RERE: variants seen among roughly 807,000 people sequenced by gnomAD.
RERE encodes the protein arginine-glutamic acid dipeptide repeats, also known as arginine-glutamic acid dipeptide repeats protein.
RERE carries 40 observed loss-of-function variants against 146.1 expected under a neutral mutation model. The observed-to-expected ratio is 0.27, with a 90% CI of 0.21 to 0.36. The LOEUF (loss-of-function observed/expected upper bound fraction) is 0.36. Among genes scored for constraint, RERE ranks in the 10% least tolerant of loss-of-function variants. The pLI is 1.00. For synonymous variants in RERE, 1,003 were observed against 866.0 expected (o/e 1.16, Z -2.78); for missense variants, 1,933 against 2,138.7 (o/e 0.90, Z 1.90).
chr1:8,735,819 C>A (rs1356102516), intron 1 of RERE, among the ~76,000 whole-genome samples: 1 of 152,024 alleles, frequency 6.6e-6, no homozygotes. Context: ...TGCCTTCCAC[C>A]GTGAGTAAAA....
rs776332821 is a variant in RERE, at chr1:8,360,337, G to T, written c.3170C>A (p.Thr1057Asn). 2 of 1,516,312 alleles carry T rather than the reference G, an allele frequency of 1.3e-6. No homozygotes were observed. Among genetic ancestry groups the T allele is most frequent in the South Asian group, 1.3e-5 (1 of 79,778 alleles). 93.9% of individuals were successfully genotyped at this position (1,516,312 alleles called of 1,614,324 possible). ...CGAGGTGCCAGGTCCCGCCGGTGGG[G>T]TAGAGGTGGAGGGGCAGGTCGGAGG... ...ITPPTCPSTS[T>N]PPAGPGTSAQ... Residue 1057 changes from threonine (T) to asparagine (N), a missense_variant, in exon 18 of 23, where the codon ACC becomes AAC. By Grantham distance (65) the Thr-to-Asn change is moderately conservative (BLOSUM62 0). Around this residue, in one of 11 missense-constraint regions of RERE, gnomAD observed 1,255 missense variants for 1,153.8 expected, o/e 1.09. Coordinates refer to ENST00000400908, the MANE Select transcript of RERE (RefSeq NM_001042681.2).
Position 8,545,612 on chromosome 1 carries a change from T to C in RERE, c.726-4294A>G, listed in dbSNP as rs911220256. Among the ~76,000 whole-genome samples, 98 of 151,794 alleles carry C rather than the reference T, an allele frequency of 6.5e-4. 2 individuals carry two copies. The highest frequency in any genetic ancestry group is 1.2e-3 in the Admixed American group (19 of 15,258). ...GTAGCAAATCTGTTGAAAGCTATTA[T>C]TATCATTATTAAGATGGAGTCTTAA... is the stretch of plus-strand genomic sequence containing the variant. On this transcript the variant is annotated intron_variant, in intron 6 of 22. Transcript: ENST00000400908.
chr1:8,714,191 G>T (rs1032682341), intron 1 of RERE, among the ~76,000 whole-genome samples: 4 of 152,100 alleles, frequency 2.6e-5, no homozygotes, highest in Non-Finnish European at 4.4e-5. Flanking sequence ...CTCTAGAGAG[G>T]ATTGAACTAC....
chr1:8,575,551 A>T (rs1646281732), intron 4 of RERE, among the ~76,000 whole-genome samples: 5 of 67,662 alleles, frequency 7.4e-5, no homozygotes, highest in African/African-American at 3.7e-4. Flanking sequence ...ATATATATAT[A>T]TATATATATA....
At position 8,423,534 on chromosome 1, in the gene RERE, G is replaced by A. The variant is rs1643947559; in HGVS notation, c.1204-727C>T. ...CGAGCACCCCTCCCCGCCCCGGTGG[G>A]GGCAGCTCCTGGCTCCGAGCCCCCA... On this transcript the variant is annotated intron_variant, in intron 11 of 22. Coordinates refer to ENST00000400908, the MANE Select transcript of RERE (RefSeq NM_001042681.2). The surrounding 1 kb of genome is among the most constrained non-coding windows in gnomAD (Gnocchi z 5.4). 1 of 984,854 alleles carries A rather than the reference G, an allele frequency of 1.0e-6. No individual in the cohort carries two copies. Among genetic ancestry groups the A allele is most frequent in the Non-Finnish European group, 1.2e-6 (1 of 829,578 alleles). The allele number at this position is 984,854 out of a possible 1,614,324, so 61.0% of individuals were successfully genotyped here. A position where few individuals can be genotyped will look rare whatever the true frequency, so the allele number is the denominator to read the frequency against.
intron 11 of RERE, among the ~76,000 whole-genome samples, chr1:8,433,855 C>T (rs554142345): frequency 2.0e-5 from 3 of 152,310 alleles, no homozygotes; most frequent in South Asian, 2.1e-4. Context: ...CCACCGCGCC[C>T]GGCCCCATTC....
At chr1:8,369,319 G>T (rs1641934351) in intron 12 of RERE, among the ~76,000 whole-genome samples, 1 of 152,032 alleles carries the variant, frequency 6.6e-6, no homozygotes, top group Non-Finnish European at 1.5e-5. Flanking sequence ...TGGCTTCACT[G>T]ATCTCTGCCA....
At chr1:8,689,106 AT>A (rs143138261) in intron 1 of RERE, among the ~76,000 whole-genome samples, 3,949 of 150,286 alleles carry the variant, frequency 0.026, 153 homozygotes, top group African/African-American at 0.09. Context: ...TAAAAATTTG[AT>A]TTTTTTTTTA....
At chr1:8,409,369 A>G (rs1042281205) in intron 12 of RERE, among the ~76,000 whole-genome samples, 8 of 152,226 alleles carry the variant, frequency 5.3e-5, no homozygotes, top group African/African-American at 1.7e-4. Flanking sequence ...TTGTTCTAAC[A>G]ACCGCATGAG....
At chr1:8,810,817 G>T (rs7517436) in intron 1 of RERE, among the ~76,000 whole-genome samples, 130,171 of 152,130 alleles carry the variant, frequency 0.86, 56,018 homozygotes, top group East Asian at 0.95. Flanking sequence ...CATTATAAAC[G>T]TATTTCACCC....
intron 1 of RERE, among the ~76,000 whole-genome samples, chr1:8,694,029 C>CAAAAA (rs144018056): frequency 2.5e-5 from 3 of 120,566 alleles, no homozygotes; most frequent in Non-Finnish European, 3.5e-5. Flanking sequence ...TTTTCTTTCC[C>CAAAAA]AAAAAAAAAA....
chr1:8,743,794 G>A (rs1051594434), intron 1 of RERE, among the ~76,000 whole-genome samples: 18 of 151,488 alleles, frequency 1.2e-4, no homozygotes, highest in Admixed American at 1.1e-3. Context: ...TATTCTTTAG[G>A]CCCACCATGA....
intron 1 of RERE, among the ~76,000 whole-genome samples, chr1:8,658,295 C>G (rs1393317141): frequency 6.6e-6 from 1 of 152,156 alleles, no homozygotes; most frequent in Non-Finnish European, 1.5e-5. Flanking sequence ...GTTCTCAATG[C>G]TCAAATGCAA....
rs1641386993 is a variant in RERE at position 8,358,385 on chromosome 1, G to A, written c.4150C>T (p.Pro1384Ser). 6.2e-7 allele frequency: 1 copy of A among 1,607,840 alleles called. No homozygotes were observed. Among genetic ancestry groups the A allele is most frequent in the South Asian group, 1.1e-5 (1 of 90,912 alleles). ...TAGCTCATCTCGGGCCGCAGCTGGG[G>A]GCCCGCCAGGGCCAGTCTCTCCCTC... Reference protein sequence around the residue: ...LERERLALAGPQLRPEMSYPD... With the variant: ...LERERLALAGSQLRPEMSYPD... The change falls in exon 20 of 23, where the codon CCC becomes TCC. Residue 1384 changes from proline (P) to serine (S), a missense_variant. By Grantham distance (74) the Pro-to-Ser change is moderately conservative (BLOSUM62 -1). Around this residue, in one of 11 missense-constraint regions of RERE, gnomAD observed 1,255 missense variants for 1,153.8 expected, o/e 1.09. Transcript: ENST00000400908.
At chr1:8,727,124 G>A (rs1639985401) in intron 1 of RERE, among the ~76,000 whole-genome samples, 1 of 151,194 alleles carries the variant, frequency 6.6e-6, no homozygotes, top group East Asian at 2.0e-4. Flanking sequence ...TTTTTCAGTG[G>A]ATTAGTAGTC....
chr1:8,651,618 T>C (rs1570566428), intron 2 of RERE, among the ~76,000 whole-genome samples: 1 of 151,938 alleles, frequency 6.6e-6, no homozygotes, highest in Non-Finnish European at 1.5e-5. Flanking sequence ...CCCAGCACTT[T>C]GGGAAGCCAA....
At chr1:8,457,892 C>T (rs555575143) in intron 11 of RERE, among the ~76,000 whole-genome samples, 14 of 152,216 alleles carry the variant, frequency 9.2e-5, no homozygotes, top group South Asian at 4.1e-4. Context: ...TGAGCCTCTG[C>T]GCCTAGCCTA....
In RERE at chr1:8,358,151, C is replaced by A. The variant is rs201241809; in HGVS notation, c.4339+45G>T. 9.2e-5 allele frequency: 142 copies of A among 1,551,352 alleles called. 2 individuals carry two copies. In the Middle Eastern group the frequency reaches 2.1e-3, roughly 23 times the overall value. On this transcript the variant is annotated intron_variant, in intron 20 of 22. Coordinates refer to ENST00000400908, the MANE Select transcript of RERE (RefSeq NM_001042681.2). ...TGACTGTCACTCATCAGGCTCTGCA[C>A]CCCTCCCCGTGCCTCTGTCCCACCT...
At position 8,697,415 on chromosome 1, in the gene RERE, C is replaced by T. The variant is rs1463385239; in HGVS notation, c.-144-40974G>A. Among the ~76,000 whole-genome samples the T allele has an allele frequency of 9.3e-5, 11 of 118,780 alleles. No homozygotes were observed. In the East Asian group the frequency reaches 1.5e-3, roughly 16 times the overall value. 77.9% of individuals were successfully genotyped at this position (118,780 alleles called of 152,430 possible). Reference sequence around the variant, plus strand: ...ACACAACTTTTTTTTTTTTTTGAGACGGAGTCTCACTCTGTCCCCCAGGCT... The same window carrying T: ...ACACAACTTTTTTTTTTTTTTGAGATGGAGTCTCACTCTGTCCCCCAGGCT... On this transcript the variant is annotated intron_variant, in intron 1 of 22. Coordinates refer to ENST00000400908, the MANE Select transcript of RERE (RefSeq NM_001042681.2).
Sources: gnomAD v4.1 joint callset for allele counts (sites outside exome capture counted in the v4.1 genomes callset) on GRCh38, gnomAD v4.1.1 for gene constraint, gnomAD v4.1.1 regional missense constraint, Gnocchi (gnomAD v3.1) non-coding constraint, MANE v1.5 for transcripts, NCBI Gene and HGNC (gene_info 2026-07-23, HGNC 2026-07-21) for gene names.